GUCY1A2: variants seen among roughly 807,000 people sequenced by gnomAD.
The protein encoded by GUCY1A2 is guanylate cyclase soluble subunit alpha-2.
GUCY1A2 carries 27 observed loss-of-function variants against 63.5 expected under a neutral mutation model. That is an observed-to-expected ratio of 0.43 (90% CI 0.31 to 0.59). The LOEUF (loss-of-function observed/expected upper bound fraction) is 0.59, where lower values mean the gene tolerates loss of function less well. GUCY1A2 is among the 20% of genes least tolerant of loss of function. GUCY1A2 has a pLI of 0.11. For synonymous variants in GUCY1A2, 364 were observed against 343.5 expected, an observed-to-expected ratio of 1.06 and a Z score of -0.66; for missense variants, 768 against 913.3, an observed-to-expected ratio of 0.84 and a Z score of 2.05.
chr11:106,947,120 G>A (rs1268443460), intron 3 of GUCY1A2, among the ~76,000 whole-genome samples: 3 of 151,804 alleles, frequency 2.0e-5, no homozygotes, highest in Non-Finnish European at 4.4e-5. Flanking sequence ...ATGAGGCTGA[G>A]GCAGGAGAAT....
chr11:106,950,708 C>A (rs145239809), intron 3 of GUCY1A2, among the ~76,000 whole-genome samples: 16 of 152,136 alleles, frequency 1.1e-4, no homozygotes, highest in Admixed American at 1.0e-3. Context: ...CCACATGGAC[C>A]GATCCTCGGA....
Position 106,682,636 on chromosome 11 carries a change from A to G in GUCY1A2, c.*4913T>C. The G allele has an allele frequency of 4.7e-6, 1 of 211,430 alleles. No individual in the cohort carries two copies. Among genetic ancestry groups the G allele is most frequent in the East Asian group, 7.1e-5 (1 of 14,162 alleles). The allele number at this position is 211,430 out of a possible 1,614,324, so 13.1% of individuals were successfully genotyped here. On this transcript the variant is annotated 3_prime_UTR_variant, in exon 8 of 8. Coordinates refer to ENST00000526355, the MANE Select transcript of GUCY1A2 (RefSeq NM_000855.3). ...ACAAACTTTACTTCTCTGCATTCCC[A>G]AGTCCTTCCAAAGAAACTTACTTCT...
At chr11:106,730,278 C>T (rs1380955275) in intron 6 of GUCY1A2, among the ~76,000 whole-genome samples, 2 of 151,662 alleles carry the variant, frequency 1.3e-5, no homozygotes, top group East Asian at 3.9e-4. Flanking sequence ...CTCCTACCCC[C>T]TGCCCTAAAG....
chr11:106,810,433 A>C lies in GUCY1A2; in HGVS notation c.1252T>G (p.Ser418Ala). The change falls in exon 5 of 8, where the codon TCC (serine) becomes GCC (alanine). Residue 418 changes from serine (S) to alanine (A), a missense_variant. By Grantham distance (99) the Ser-to-Ala change is moderately conservative (BLOSUM62 1). Coordinates refer to ENST00000526355, the MANE Select transcript of GUCY1A2 (RefSeq NM_000855.3). ...CATGGAGAGCCCAAAAATAAAATGGAATTTGATTCTGGAACATGGATCATT... is the reference window on the plus strand; with the variant it reads ...CATGGAGAGCCCAAAAATAAAATGGCATTTGATTCTGGAACATGGATCATT... ...GQMIHVPESN[S>A]ILFLGSPCVD... is the part of the protein sequence containing the mutation. 6.2e-7 allele frequency: 1 copy of C among 1,610,266 alleles called. No homozygotes were observed. The highest frequency in any genetic ancestry group is 8.5e-7 in the Non-Finnish European group (1 of 1,178,008).
chr11:106,932,295 A>G (rs961384716), intron 4 of GUCY1A2, among the ~76,000 whole-genome samples: 15 of 152,196 alleles, frequency 9.9e-5, no homozygotes, highest in African/African-American at 3.6e-4. Context: ...TTGGGAATAC[A>G]TAATTCATCA....
intron 4 of GUCY1A2, chr11:106,827,935 C>T (rs184792795): frequency 6.7e-6 from 8 of 1,193,734 alleles, no homozygotes; most frequent in Non-Finnish European, 9.8e-6. Context: ...GGCGGAACAG[C>T]GAGACTCTGG....
At chr11:107,005,218 A>C (rs1346215596) in intron 1 of GUCY1A2, among the ~76,000 whole-genome samples, 1 of 152,220 alleles carries the variant, frequency 6.6e-6, no homozygotes, top group Non-Finnish European at 1.5e-5. Context: ...AGACAGACAG[A>C]GGGGCAGACA....
At chr11:106,789,427 G>C (rs1864620430) in intron 5 of GUCY1A2, among the ~76,000 whole-genome samples, 1 of 152,132 alleles carries the variant, frequency 6.6e-6, no homozygotes, top group East Asian at 1.9e-4. Context: ...CCTCAAAACA[G>C]CAATTTTCAG....
chr11:106,921,046 T>A (rs537099647), intron 4 of GUCY1A2, among the ~76,000 whole-genome samples: 1 of 152,150 alleles, frequency 6.6e-6, no homozygotes, highest in East Asian at 1.9e-4. Context: ...CTAAAGCCAG[T>A]GAAAATATTA....
At chr11:106,767,080 C>T (rs748765520) in intron 6 of GUCY1A2, among the ~76,000 whole-genome samples, 1 of 152,050 alleles carries the variant, frequency 6.6e-6, no homozygotes, top group Non-Finnish European at 1.5e-5. Flanking sequence ...TAACTTTTAG[C>T]CTCTTCTATG....
At chr11:106,867,685 T>C (rs1482701835) in intron 4 of GUCY1A2, among the ~76,000 whole-genome samples, 5 of 152,178 alleles carry the variant, frequency 3.3e-5, no homozygotes, top group East Asian at 1.9e-4. Flanking sequence ...TCAAGCTTAA[T>C]AGACTCCTCT....
In GUCY1A2 at chr11:106,923,037, T is replaced by C. The variant is rs185879836; in HGVS notation, c.1206+16423A>G. 3.7e-4 allele frequency among the ~76,000 whole-genome samples: 57 copies of C among 152,220 alleles called. 1 individual carries two copies. Among genetic ancestry groups the C allele is most frequent in the African/African-American group, 1.3e-3 (52 of 41,546 alleles). ...GCTATGTTATGGGCAATGACTGAAA[T>C]TGGACTAATAGCCAAAACTGGGGAC... On this transcript the variant is annotated intron_variant, in intron 4 of 7. Coordinates refer to ENST00000526355, the MANE Select transcript of GUCY1A2 (RefSeq NM_000855.3).
intron 1 of GUCY1A2, among the ~76,000 whole-genome samples, chr11:106,989,070 C>A (rs1325553761): frequency 1.3e-5 from 2 of 152,178 alleles, no homozygotes; most frequent in African/African-American, 4.8e-5. Context: ...TCAGTGGGAA[C>A]AACAAGGGCT....
intron 4 of GUCY1A2, among the ~76,000 whole-genome samples, chr11:106,919,385 TAAC>T (rs895799719): frequency 2.0e-5 from 3 of 152,016 alleles, no homozygotes; most frequent in African/African-American, 7.2e-5. Context: ...GTTACCATAA[TAAC>T]AAAAAAAGGT....
At chr11:106,851,229 T>C (rs1350060390) in intron 4 of GUCY1A2, among the ~76,000 whole-genome samples, 1 of 151,796 alleles carries the variant, frequency 6.6e-6, no homozygotes, top group Admixed American at 6.6e-5. Context: ...TTTGTCTGAG[T>C]TCCTTGTATA....
chr11:106,971,904 T>C (rs181418877), intron 3 of GUCY1A2, among the ~76,000 whole-genome samples: 2 of 152,168 alleles, frequency 1.3e-5, no homozygotes, highest in African/African-American at 4.8e-5. Context: ...GTCTGGAACA[T>C]CTTATAGTGC....
At chr11:106,895,765 A>C (rs762906960) in intron 4 of GUCY1A2, among the ~76,000 whole-genome samples, 20 of 152,116 alleles carry the variant, frequency 1.3e-4, no homozygotes, top group Non-Finnish European at 2.4e-4. Context: ...GGCCAGTATC[A>C]CCCTAATAAC....
chr11:106,925,202 G>A (rs2119919239), intron 4 of GUCY1A2, among the ~76,000 whole-genome samples: 1 of 151,822 alleles, frequency 6.6e-6, no homozygotes, highest in Admixed American at 6.6e-5. Context: ...AGAGAGAGGA[G>A]AAAGAGAGAG....
chr11:106,886,243 G>A (rs1859898973), intron 4 of GUCY1A2, among the ~76,000 whole-genome samples: 2 of 152,108 alleles, frequency 1.3e-5, no homozygotes, highest in Non-Finnish European at 2.9e-5. Context: ...TAGTAAAAGT[G>A]TCCTTAAAGT....
Sources: gnomAD v4.1 joint callset for allele counts (sites outside exome capture counted in the v4.1 genomes callset) on GRCh38, gnomAD v4.1.1 for gene constraint, MANE v1.5 for transcripts, NCBI Gene and HGNC (gene_info 2026-07-23, HGNC 2026-07-21) for gene names.